The following VTCN1 variants were observed in gnomAD, a reference collection of about 807,000 sequenced individuals.
VTCN1 encodes the protein V-set domain containing T cell activation inhibitor 1, also known as V-set domain-containing T-cell activation inhibitor 1.
In VTCN1, 26 loss-of-function variants were observed where a neutral mutation model predicts 26.5. The ratio of observed to expected loss-of-function variants is 0.98; its 90% CI spans 0.72 to 1.36. The LOEUF (loss-of-function observed/expected upper bound fraction) is 1.36, where lower values mean the gene tolerates loss of function less well. Ranked by LOEUF, VTCN1 falls within the 40% of genes most tolerant of loss-of-function variation. The pLI is 0.00. For missense variants in VTCN1, 298 were observed against 337.7 expected, an observed-to-expected ratio of 0.88 and a Z score of 0.92; for synonymous variants, 116 against 130.7, an observed-to-expected ratio of 0.89 and a Z score of 0.77.
intron 4 of VTCN1, among the ~76,000 whole-genome samples, chr1:117,149,484 C>T (rs1213336878): frequency 1.3e-5 from 2 of 152,100 alleles, no homozygotes; most frequent in African/African-American, 4.8e-5. Flanking sequence ...TTAATACTCT[C>T]ATAATTTCTC....
At chr1:117,182,049 C>A (rs942195696) in intron 1 of VTCN1, among the ~76,000 whole-genome samples, 1 of 152,210 alleles carries the variant, frequency 6.6e-6, no homozygotes, top group African/African-American at 2.4e-5. Context: ...CTGGCTGCTT[C>A]TCGGAAAGCC....
At chr1:117,170,214 C>G (rs746775182) in intron 1 of VTCN1, 43 bp from the exon 2 acceptor site, 1 of 1,577,110 alleles carries the variant, frequency 6.3e-7, no homozygotes, top group Non-Finnish European at 8.7e-7. Context: ...TTCTCCATTC[C>G]TCTTGATGTG....
intron 2 of VTCN1, 60 bp from the exon 3 acceptor site, chr1:117,156,981 C>T (rs1259063407): frequency 6.2e-7 from 1 of 1,611,426 alleles, no homozygotes; most frequent in African/African-American, 1.3e-5. Flanking sequence ...TACAACCAAA[C>T]CCTTCATTGC....
chr1:117,160,226 G>T (rs1652295484), intron 2 of VTCN1, among the ~76,000 whole-genome samples: 1 of 152,160 alleles, frequency 6.6e-6, no homozygotes, highest in African/African-American at 2.4e-5. Flanking sequence ...ATCCTGGGGT[G>T]TTCAGGTCTA....
chr1:117,174,403 G>C (rs1022932550), intron 1 of VTCN1, among the ~76,000 whole-genome samples: 1 of 152,224 alleles, frequency 6.6e-6, no homozygotes, highest in Non-Finnish European at 1.5e-5. Context: ...GAAGCTTATA[G>C]TTAAACTGAC....
At chr1:117,157,966 TCTC>T (rs1376890957) in intron 2 of VTCN1, among the ~76,000 whole-genome samples, 3 of 152,168 alleles carry the variant, frequency 2.0e-5, no homozygotes, top group Non-Finnish European at 4.4e-5. Flanking sequence ...CTCCAAATGA[TCTC>T]CTTTGACTCC....
intron 1 of VTCN1, among the ~76,000 whole-genome samples, chr1:117,171,767 A>G (rs1286247548): frequency 1.3e-5 from 2 of 152,210 alleles, no homozygotes; most frequent in Non-Finnish European, 2.9e-5. Context: ...ATAGATGGGG[A>G]AGTGACACAG....
intron 1 of VTCN1, among the ~76,000 whole-genome samples, chr1:117,209,960 A>G (rs1365701220): frequency 6.6e-6 from 1 of 152,150 alleles, no homozygotes; most frequent in Non-Finnish European, 1.5e-5. Context: ...CTTTTGTGGG[A>G]AAAAGAAACA....
intron 1 of VTCN1, among the ~76,000 whole-genome samples, chr1:117,187,309 C>CAAAAAAAAAAAAAAAAAAAAAAAAAAA (rs11415949): frequency 1.4e-5 from 1 of 73,254 alleles, no homozygotes. Context: ...GACCTTGTCT[C>CAAAAAAAAAAAAAAAAAAAAAAAAAAA]AAAAAAAAAA....
At chr1:117,149,592 C>T (rs1030470472) in intron 4 of VTCN1, among the ~76,000 whole-genome samples, 1 of 152,114 alleles carries the variant, frequency 6.6e-6, no homozygotes, top group Non-Finnish European at 1.5e-5. Flanking sequence ...TCTGCCTTAT[C>T]TATGGATCCA....
intron 1 of VTCN1, among the ~76,000 whole-genome samples, chr1:117,209,328 C>G (rs1026960465): frequency 2.1e-4 from 32 of 152,132 alleles, no homozygotes; most frequent in African/African-American, 7.7e-4. Flanking sequence ...AATGGAGCCA[C>G]TTGTTGCAGG....
intron 1 of VTCN1, among the ~76,000 whole-genome samples, chr1:117,170,767 T>C (rs569392443): frequency 6.6e-6 from 1 of 152,162 alleles, no homozygotes; most frequent in African/African-American, 2.4e-5. Context: ...CAAGCAAAAA[T>C]GAGACAAATA....
At chr1:117,176,042 TTACAG>T (rs1647337009) in intron 1 of VTCN1, among the ~76,000 whole-genome samples, 12 of 152,162 alleles carry the variant, frequency 7.9e-5, no homozygotes, top group Admixed American at 5.9e-4. Context: ...AGTGCTGGGA[TTACAG>T]GTGTGAGCCA....
At chr1:117,180,531 C>T (rs1449968440) in intron 1 of VTCN1, among the ~76,000 whole-genome samples, 1 of 152,212 alleles carries the variant, frequency 6.6e-6, no homozygotes, top group African/African-American at 2.4e-5. Context: ...CACTCCAAAC[C>T]TTTCATGACC....
intron 1 of VTCN1, chr1:117,203,538 G>C (rs1648898475): frequency 1.1e-6 from 1 of 905,702 alleles, no homozygotes; most frequent in African/African-American, 1.8e-5. Flanking sequence ...TGATGTGATA[G>C]GAAATCAGAA....
At chr1:117,191,436 C>T (rs759840724) in intron 1 of VTCN1, among the ~76,000 whole-genome samples, 35 of 152,116 alleles carry the variant, frequency 2.3e-4, no homozygotes, top group Admixed American at 8.5e-4. Flanking sequence ...GGAGGATTGC[C>T]TGCAGCCAGG....
intron 1 of VTCN1, among the ~76,000 whole-genome samples, chr1:117,200,579 T>C (rs980215421): frequency 2.6e-5 from 4 of 152,192 alleles, no homozygotes; most frequent in Non-Finnish European, 5.9e-5. Context: ...CTTACCCAGA[T>C]GTAGCCCGCC....
intron 1 of VTCN1, among the ~76,000 whole-genome samples, chr1:117,198,641 C>A (rs962257040): frequency 3.3e-5 from 5 of 152,156 alleles, no homozygotes; most frequent in Non-Finnish European, 7.3e-5. Context: ...CACCACCCAC[C>A]TGGTAGTTGT....
chr1:117,210,730 G>A (rs1206561824), intron 1 of VTCN1, 94 bp downstream of exon 1: 1 of 1,336,386 alleles, frequency 7.5e-7, no homozygotes, highest in East Asian at 2.3e-5. Flanking sequence ...TACAGGTGGG[G>A]TCCTATGGGA....
Sources: gnomAD v4.1 joint callset for allele counts (sites outside exome capture counted in the v4.1 genomes callset) on GRCh38, gnomAD v4.1.1 for gene constraint, MANE v1.5 for transcripts, NCBI Gene and HGNC (gene_info 2026-07-23, HGNC 2026-07-21) for gene names.